Variants in EHD1 observed in about 807,000 individuals in gnomAD.
EHD1 encodes EH domain containing 1.
A neutral mutation model predicts 39.0 loss-of-function variants in EHD1; 19 were observed. That is an observed-to-expected ratio of 0.49 (90% confidence interval 0.34 to 0.72). EHD1 has a LOEUF of 0.72. Ranked by LOEUF, EHD1 falls within the 30% of genes least tolerant of loss-of-function variation. EHD1 has a pLI of 0.01. For synonymous variants in EHD1, 323 were observed against 331.2 expected (o/e 0.98, Z 0.27); for missense variants, 542 against 751.5 (o/e 0.72, Z 3.26).
In EHD1 at chr11:64,855,316, C is replaced by T; in HGVS notation, c.1080+6G>A. 1 of 1,613,250 alleles carries T rather than the reference C, an allele frequency of 6.2e-7. No individual in the cohort carries two copies. ...CAGCCTGCATGGGGCCTCGGGACAG[C>T]CGTACCTGCATCTTGCGGAGGCTCG... On this transcript the variant is annotated splice_donor_region_variant and intron_variant, in intron 4 of 4. Coordinates refer to ENST00000320631, the MANE Select transcript of EHD1 (RefSeq NM_006795.4).
At chr11:64,860,984 C>T (rs1360733407) in intron 2 of EHD1, among the ~76,000 whole-genome samples, 1 of 145,022 alleles carries the variant, frequency 6.9e-6, no homozygotes, top group Non-Finnish European at 1.5e-5. Flanking sequence ...TGCGCCACTG[C>T]ACTCCAGCCT....
chr11:64,861,698 A>T (rs1353203345), intron 2 of EHD1, among the ~76,000 whole-genome samples: 1 of 152,158 alleles, frequency 6.6e-6, no homozygotes, highest in Non-Finnish European at 1.5e-5. Context: ...AGCAGAGTTC[A>T]GTCGTTGTGA....
rs753921512 is a variant in EHD1, at chr11:64,859,996, G to A, written c.843C>T (p.Asp281=). The part of the protein sequence containing the change: ...FEAEEQDLFK[D]IQSLPRNAAL... ...CGGCGTTTCGGGGCAGTGACTGGATGTCCTTGAAGAGGTCCTGCTCCTCGG... is the reference window on the plus strand; with the variant it reads ...CGGCGTTTCGGGGCAGTGACTGGATATCCTTGAAGAGGTCCTGCTCCTCGG... Residue 281 remains aspartate (D), a synonymous_variant, in exon 3 of 5, where the codon GAC becomes GAT. Coordinates refer to ENST00000320631, the MANE Select transcript of EHD1 (RefSeq NM_006795.4). The A allele has an allele frequency of 1.2e-4, 186 of 1,614,020 alleles. 8 individuals are homozygous for A. In the South Asian group the frequency reaches 2.0e-3, roughly 18 times the overall value.
chr11:64,867,424 A>G (rs1299786910), intron 2 of EHD1, among the ~76,000 whole-genome samples: 1 of 142,542 alleles, frequency 7.0e-6, no homozygotes, highest in Non-Finnish European at 1.5e-5. Flanking sequence ...GTCTCAAAAG[A>G]AAAAAAAAAA....
chr11:64,878,127 G>A lies in EHD1; in HGVS notation c.338C>T (p.Ala113Val). 1 of 1,567,468 alleles carries A rather than the reference G, an allele frequency of 6.4e-7. No homozygotes were observed. The highest frequency in any genetic ancestry group is 8.7e-7 in the Non-Finnish European group (1 of 1,152,990). ...GPTEGVVPGNALVVDPRRPFR... is the reference protein window; with the variant it reads ...GPTEGVVPGNVLVVDPRRPFR... The stretch of plus-strand genomic sequence containing the variant: ...GGGGCGCCGCGGGTCCACCACGAGC[G>A]CGTTGCCCGGCACCACGCCCTCAGT... The change falls in exon 1 of 5, where the codon GCG (alanine) becomes GTG (valine). Residue 113 changes from alanine to valine, a missense_variant. Transcript: ENST00000320631.
chr11:64,878,348 G>A lies in EHD1; in HGVS notation c.117C>T (p.His39=), dbSNP rs1038942719. ...GCGAGTGGAACTCGTGGAAGCGGTA[G>A]TGCTCCTCCAGGGGTAGCAGCTTCT... ...YAQKLLPLEE[H]YRFHEFHSPA... is the part of the protein sequence containing the mutation. Residue 39 remains histidine, a synonymous_variant, in exon 1 of 5, where the codon CAC becomes CAT. Coordinates refer to ENST00000320631, the MANE Select transcript of EHD1 (RefSeq NM_006795.4). 4.3e-6 allele frequency: 7 copies of A among 1,614,094 alleles called. No homozygotes were observed. Among genetic ancestry groups the A allele is most frequent in the African/African-American group, 2.7e-5 (2 of 75,074 alleles).
chr11:64,872,988 T>C (rs1300954912), intron 2 of EHD1, among the ~76,000 whole-genome samples: 1 of 152,174 alleles, frequency 6.6e-6, no homozygotes, highest in Non-Finnish European at 1.5e-5. Flanking sequence ...TTGAGTTTGA[T>C]CTTATTTCAT....
intron 2 of EHD1, among the ~76,000 whole-genome samples, chr11:64,874,199 G>C (rs1402296070): frequency 1.3e-5 from 2 of 150,786 alleles, no homozygotes; most frequent in African/African-American, 4.9e-5. Context: ...AGCTACTCAG[G>C]AGGCTGAGGC....
At chr11:64,863,630 T>C (rs1458603847) in intron 2 of EHD1, among the ~76,000 whole-genome samples, 3 of 152,204 alleles carry the variant, frequency 2.0e-5, no homozygotes, top group Non-Finnish European at 4.4e-5. Flanking sequence ...TAAACACTCC[T>C]GCCGCCTGCC....
intron 2 of EHD1, among the ~76,000 whole-genome samples, chr11:64,873,738 G>A (rs1943854632): frequency 6.6e-6 from 1 of 151,344 alleles, no homozygotes; most frequent in African/African-American, 2.4e-5. Flanking sequence ...GTGCAGTGGC[G>A]CGATCTCGGC....
At position 64,854,689 on chromosome 11, in the gene EHD1, T is replaced by A; in HGVS notation, c.1249A>T (p.Thr417Ser). 6.2e-7 allele frequency: 1 copy of A among 1,613,714 alleles called. No homozygotes were observed. The highest frequency in any genetic ancestry group is 8.5e-7 in the Non-Finnish European group (1 of 1,179,972). ...CCGTGCCCGAACGGCCCGTTCATGG[T>A]GCCGTCAAAGGCGCCGCCCTTGACC... Reference protein sequence around the residue: ...QVVKGGAFDGTMNGPFGHGYG... With the variant: ...QVVKGGAFDGSMNGPFGHGYG... The change falls in exon 5 of 5, where the codon ACC becomes TCC. Residue 417 changes from threonine (T) to serine (S), a missense_variant. Transcript: ENST00000320631.
In EHD1 at chr11:64,878,599, C is replaced by A. The variant is rs1010062866; in HGVS notation, c.-135G>T. 19 of 1,426,138 alleles carry A rather than the reference C, an allele frequency of 1.3e-5. No homozygotes were observed. The African/African-American group carries it at 1.8e-4, about 13-fold the overall frequency. The allele number at this position is 1,426,138 out of a possible 1,614,324, so 88.3% of individuals were successfully genotyped here. On this transcript the variant is annotated 5_prime_UTR_variant, in exon 1 of 5. Transcript: ENST00000320631. Reference sequence around the variant, plus strand: ...CACTGCGCAGGCGCACAGCCCAGCCCGTCGAAGCGCCCTCTGCCGAATGCT... The same window carrying A: ...CACTGCGCAGGCGCACAGCCCAGCCAGTCGAAGCGCCCTCTGCCGAATGCT...
intron 2 of EHD1, among the ~76,000 whole-genome samples, chr11:64,861,570 G>T (rs950946715): frequency 2.0e-5 from 3 of 152,014 alleles, no homozygotes; most frequent in African/African-American, 7.3e-5. Flanking sequence ...CTGCAACAAG[G>T]GTTGGCAAAC....
intron 2 of EHD1, among the ~76,000 whole-genome samples, chr11:64,869,665 G>C (rs752579614): frequency 3.3e-5 from 5 of 152,230 alleles, no homozygotes; most frequent in South Asian, 4.1e-4. Context: ...GAGCCACCCA[G>C]CTCCCCAAGT....
At position 64,860,148 on chromosome 11, in the gene EHD1, G is replaced by A. The variant is rs766122136; in HGVS notation, c.691C>T (p.Arg231Trp). ...GACCACATGAGGGCCCCGTACACCC[G>A]CATCAGCTGCTGCGTCTCGATCTGG... ...ADQIETQQLMRVYGALMWSLG... is the reference protein window; with the variant it reads ...ADQIETQQLMWVYGALMWSLG... The change falls in exon 3 of 5, where the codon CGG becomes TGG. Residue 231 changes from arginine (R) to tryptophan (W), a missense_variant. Transcript: ENST00000320631. 1.9e-6 allele frequency: 3 copies of A among 1,614,164 alleles called. No homozygotes were observed. Among genetic ancestry groups the A allele is most frequent in the Non-Finnish European group, 2.5e-6 (3 of 1,180,040 alleles).
chr11:64,872,728 C>T (rs533982931), intron 2 of EHD1, among the ~76,000 whole-genome samples: 10 of 152,072 alleles, frequency 6.6e-5, no homozygotes, highest in Non-Finnish European at 1.2e-4. Context: ...GATTTCAGTA[C>T]GCTCTGATGC....
chr11:64,854,877 G>C lies in EHD1; in HGVS notation c.1081-20C>G. The C allele has an allele frequency of 6.3e-7, 1 of 1,592,524 alleles. No homozygotes were observed. The highest frequency in any genetic ancestry group is 1.1e-5 in the South Asian group (1 of 90,736). The stretch of plus-strand genomic sequence containing the variant: ...GAGTTCCTGTGGGCGGGGGAGGAAG[G>C]ACAAGGGCTGGGAAGGGAGGCCCCT... On this transcript the variant is annotated intron_variant, in intron 4 of 4. Transcript: ENST00000320631.
intron 4 of EHD1, 155 bp downstream of exon 4, chr11:64,855,167 C>T: frequency 8.1e-7 from 1 of 1,234,606 alleles, no homozygotes; most frequent in Non-Finnish European, 1.1e-6. Context: ...CCTGGGTCAA[C>T]TCTGAGTTGG....
intron 2 of EHD1, among the ~76,000 whole-genome samples, chr11:64,869,311 C>G (rs74346923): frequency 0.015 from 2,228 of 152,352 alleles, 48 homozygotes; most frequent in African/African-American, 0.05. Flanking sequence ...GGCATCCTGG[C>G]CTGCTGGGCC....
Sources: allele counts gnomAD v4.1 joint callset (sites outside exome capture counted in the v4.1 genomes callset), GRCh38; gene constraint gnomAD v4.1.1; transcripts MANE v1.5; gene names NCBI Gene and HGNC (gene_info 2026-07-23, HGNC 2026-07-21).